Variants in ACACB observed in about 807,000 individuals in gnomAD.
ACACB encodes the protein acetyl-CoA carboxylase beta.
Under a neutral mutation model 278.8 loss-of-function variants are expected in ACACB, and 209 were observed. That is an observed-to-expected ratio of 0.75 (90% confidence interval 0.67 to 0.84). ACACB has a LOEUF of 0.84. Among genes scored for constraint, ACACB ranks in the 40% least tolerant of loss-of-function variants. ACACB has a pLI of 0.00. For synonymous variants in ACACB, 1,174 were observed against 1,285.6 expected (o/e 0.91, Z 1.86); for missense variants, 2,850 against 3,269.0 (o/e 0.87, Z 3.13).
At chr12:109,202,216 A>G (rs2045356653) in intron 19 of ACACB, among the ~76,000 whole-genome samples, 1 of 117,808 alleles carries the variant, frequency 8.5e-6, no homozygotes, top group Non-Finnish European at 2.1e-5. Flanking sequence ...TTAGATGTAC[A>G]GAACAGTTAT....
In ACACB at chr12:109,266,389, A is replaced by G. The variant is rs771915993; in HGVS notation, c.*27A>G. On this transcript the variant is annotated 3_prime_UTR_variant, in exon 53 of 53. Transcript: ENST00000338432. ...CGTGGCCCGCCCAGCCACTCCCGGG[A>G]CCACGGCAAAAGGAACCACCCAGAC... is the stretch of plus-strand genomic sequence containing the variant. The G allele has an allele frequency of 4.4e-6, 7 of 1,584,020 alleles. No homozygotes were observed. The South Asian group carries it at 6.8e-5, about 15-fold the overall frequency.
intron 2 of ACACB, among the ~76,000 whole-genome samples, chr12:109,158,332 T>C (rs1320593417): frequency 6.6e-6 from 1 of 151,346 alleles, no homozygotes; most frequent in Non-Finnish European, 1.5e-5. Flanking sequence ...AAAGTTCATA[T>C]AATTTTTATG....
intron 28 of ACACB, among the ~76,000 whole-genome samples, chr12:109,229,353 G>A (rs1320118562): frequency 6.6e-6 from 1 of 152,106 alleles, no homozygotes; most frequent in Non-Finnish European, 1.5e-5. Flanking sequence ...TGAGCTGCTT[G>A]TGCACGTGGA....
chr12:109,147,391 C>CTTTTTTTTTTTTT (rs34959945), intron 2 of ACACB, among the ~76,000 whole-genome samples: 8 of 116,210 alleles, frequency 6.9e-5, no homozygotes, highest in South Asian at 3.1e-4. Flanking sequence ...TGTCTGGCTA[C>CTTTTTTTTTTTTT]TTTTTTTTTT....
chr12:109,117,379 A>G (rs2042432157), intron 1 of ACACB, among the ~76,000 whole-genome samples: 1 of 151,604 alleles, frequency 6.6e-6, no homozygotes, highest in Admixed American at 6.6e-5. Flanking sequence ...AAAAAAGAAA[A>G]GAAAAAGAAA....
chr12:109,186,867 T>C (rs1225095549), intron 12 of ACACB, among the ~76,000 whole-genome samples: 1 of 152,072 alleles, frequency 6.6e-6, no homozygotes, highest in Non-Finnish European at 1.5e-5. Context: ...GCCCAGGCAC[T>C]TGGGTCGCTC....
upstream of ACACB, among the ~76,000 whole-genome samples, chr12:109,112,600 G>C (rs1411232391): frequency 6.6e-6 from 1 of 151,584 alleles, no homozygotes; most frequent in African/African-American, 2.4e-5. Flanking sequence ...TACTTGGGAG[G>C]CTGAGGCAGG....
intron 16 of ACACB, among the ~76,000 whole-genome samples, chr12:109,196,628 A>G (rs1384576536): frequency 6.6e-6 from 1 of 152,172 alleles, no homozygotes; most frequent in Admixed American, 6.5e-5. Context: ...TTGCGGGGAC[A>G]CAAACGTTTA....
intron 21 of ACACB, 125 bp downstream of exon 21, chr12:109,209,478 T>C: frequency 1.0e-6 from 1 of 959,878 alleles, no homozygotes; most frequent in Non-Finnish European, 1.5e-6. Context: ...GCCTAACATA[T>C]CAGGGGCCGA....
At chr12:109,154,091 G>A (rs933772908) in intron 2 of ACACB, among the ~76,000 whole-genome samples, 3 of 152,214 alleles carry the variant, frequency 2.0e-5, no homozygotes, top group African/African-American at 7.2e-5. Context: ...AGATTGCCAC[G>A]AGGATTAAGT....
chr12:109,176,744 G>A (rs2044293988), intron 9 of ACACB, among the ~76,000 whole-genome samples: 1 of 152,164 alleles, frequency 6.6e-6, no homozygotes, highest in African/African-American at 2.4e-5. Context: ...AGCCTCCTGA[G>A]TAGCTGGGAT....
chr12:109,200,331 G>A (rs1329654249), intron 18 of ACACB, among the ~76,000 whole-genome samples: 4 of 151,892 alleles, frequency 2.6e-5, no homozygotes, highest in Non-Finnish European at 4.4e-5. Context: ...TTACAGGCAC[G>A]CACCAACATG....
At chr12:109,151,646 G>T (rs2043378461) in intron 2 of ACACB, among the ~76,000 whole-genome samples, 1 of 152,136 alleles carries the variant, frequency 6.6e-6, no homozygotes, top group Admixed American at 6.5e-5. Context: ...CACGCTGCTG[G>T]CCACATGCAT....
chr12:109,193,219 T>C (rs1433206814), intron 15 of ACACB, among the ~76,000 whole-genome samples: 2 of 914 alleles, frequency 2.2e-3, no homozygotes, highest in Non-Finnish European at 9.8e-3. Flanking sequence ...GATTTAGCCT[T>C]TTTTTTTTTT....
chr12:109,210,503 G>A (rs1210622756), intron 21 of ACACB, among the ~76,000 whole-genome samples: 3 of 146,004 alleles, frequency 2.1e-5, no homozygotes, highest in African/African-American at 7.6e-5. Flanking sequence ...ACATGTATGT[G>A]TATATACGCA....
chr12:109,248,501 CCTGGCAAACCA>C (rs68143075), intron 40 of ACACB, among the ~76,000 whole-genome samples: 35,823 of 151,922 alleles, frequency 0.24, 4,798 homozygotes, highest in East Asian at 0.42. Context: ...CCTGAGGGCC[CCTGGCAAACCA>C]CTGGCGTGAG....
chr12:109,201,338 A>AT (rs2045323406), intron 18 of ACACB, among the ~76,000 whole-genome samples: 1 of 152,064 alleles, frequency 6.6e-6, no homozygotes, highest in Non-Finnish European at 1.5e-5. Context: ...CATCATAAAC[A>AT]CCTCCTTGGC....
At chr12:109,252,900 TCTC>T (rs1349242831) in intron 42 of ACACB, 112 bp from the exon 43 acceptor site, 6 of 1,042,978 alleles carry the variant, frequency 5.8e-6, no homozygotes, top group Non-Finnish European at 7.8e-6. Flanking sequence ...ATTTGTGAAA[TCTC>T]CTGGGTGATT....
intron 1 of ACACB, among the ~76,000 whole-genome samples, chr12:109,125,755 T>G (rs2042665055): frequency 6.6e-6 from 1 of 152,034 alleles, no homozygotes; most frequent in Non-Finnish European, 1.5e-5. Context: ...CTCAGAGAGG[T>G]GAGGAAACTT....
Sources: gnomAD v4.1 joint callset for allele counts (sites outside exome capture counted in the v4.1 genomes callset) on GRCh38, gnomAD v4.1.1 for gene constraint, MANE v1.5 for transcripts, NCBI Gene and HGNC (gene_info 2026-07-23, HGNC 2026-07-21) for gene names.